Variants in CFAP47 observed in about 807,000 individuals in gnomAD.
CFAP47 encodes cilia and flagella associated protein 47, also known as cilia- and flagella-associated protein 47.
Under a neutral mutation model 148.1 loss-of-function variants are expected in CFAP47, and 29 were observed. That is an observed-to-expected ratio of 0.20 (90% CI 0.15 to 0.27). CFAP47 has a LOEUF of 0.27. Ranked by LOEUF, CFAP47 falls within the 10% of genes least tolerant of loss-of-function variation. CFAP47 has a pLI of 1.00. For missense variants in CFAP47, 1,872 were observed against 1,697.5 expected (o/e 1.10, Z -1.81); for synonymous variants, 664 against 577.3 (o/e 1.15, Z -2.15).
chrX:35,924,147 A>C (rs185510550), intron 1 of CFAP47, among the ~76,000 whole-genome samples: 4 of 96,925 alleles, frequency 4.1e-5, no homozygotes, highest in Admixed American at 2.2e-4. Context: ...GTGTACATGT[A>C]TGCGTACATA....
intron 13 of CFAP47, among the ~76,000 whole-genome samples, chrX:35,974,659 G>T (rs770063500): frequency 8.9e-6 from 1 of 111,772 alleles, no homozygotes; most frequent in African/African-American, 3.2e-5. Context: ...CTTACTATAT[G>T]CCAGTTTTAA....
chrX:36,335,888 A>G (rs1941600764), intron 57 of CFAP47, among the ~76,000 whole-genome samples: 1 of 111,759 alleles, frequency 8.9e-6, no homozygotes, highest in Non-Finnish European at 1.9e-5. Context: ...TTCATTTCTT[A>G]CAACTGTATG....
At chrX:36,171,651 A>G (rs1403546789) in intron 39 of CFAP47, among the ~76,000 whole-genome samples, 2 of 111,083 alleles carry the variant, frequency 1.8e-5, no homozygotes, top group African/African-American at 6.6e-5. Flanking sequence ...TGTTCCATTG[A>G]TCTATATCTC....
chrX:36,348,158 G>A lies in CFAP47; in HGVS notation c.8473G>A (p.Asp2825Asn). 9.7e-7 allele frequency: 1 copy of A among 1,035,933 alleles called. No individual in the cohort carries two copies. Among genetic ancestry groups the A allele is most frequent in the Non-Finnish European group, 1.3e-6 (1 of 796,092 alleles). 85.4% of individuals were successfully genotyped at this position (1,035,933 alleles called of 1,213,427 possible). A position where few individuals can be genotyped will look rare whatever the true frequency, so the allele number is the denominator to read the frequency against. ...TGCACTGCCTCCTAAAGGAAATATA[G>A]ATATCTCATTGTTATTTATACCTCA... ...GIALPPKGNI[D>N]ISLLFIPQIM... The change falls in exon 58 of 64, where the codon GAT becomes AAT. Residue 2825 changes from aspartate to asparagine, a missense_variant. Coordinates refer to ENST00000378653, the MANE Select transcript of CFAP47 (RefSeq NM_001304548.2).
At chrX:35,952,623 C>G (rs904902546) in intron 6 of CFAP47, among the ~76,000 whole-genome samples, 3 of 111,496 alleles carry the variant, frequency 2.7e-5, no homozygotes, top group African/African-American at 9.8e-5. Context: ...GTTTAATGTA[C>G]TTCTTGTTTG....
chrX:36,285,752 ACT>A (rs1314006154), intron 51 of CFAP47, 26 bp downstream of exon 51: 8 of 1,101,710 alleles, frequency 7.3e-6, no homozygotes, highest in Non-Finnish European at 9.7e-6. Context: ...ATGTTCATAG[ACT>A]CTGTCATTTT....
At chrX:36,043,444 G>GATA (rs1341614799) in intron 25 of CFAP47, among the ~76,000 whole-genome samples, 2 of 112,509 alleles carry the variant, frequency 1.8e-5, no homozygotes, top group Non-Finnish European at 3.8e-5. Context: ...TCACTTCCAA[G>GATA]ATACAATGAG....
intron 8 of CFAP47, among the ~76,000 whole-genome samples, chrX:35,957,512 T>C (rs1936264646): frequency 8.9e-6 from 1 of 112,151 alleles, no homozygotes; most frequent in African/African-American, 3.2e-5. Context: ...AGTATGACTC[T>C]CTCCCTCCAA....
intron 56 of CFAP47, among the ~76,000 whole-genome samples, chrX:36,316,024 C>G (rs141311477): frequency 9.0e-6 from 1 of 111,536 alleles, no homozygotes; most frequent in Admixed American, 9.6e-5. Context: ...AACTTGTTCA[C>G]GATCATGGAG....
intron 49 of CFAP47, among the ~76,000 whole-genome samples, chrX:36,258,851 C>T (rs1399571162): frequency 9.0e-6 from 1 of 111,588 alleles, no homozygotes; most frequent in African/African-American, 3.3e-5. Context: ...TGGGTGATAG[C>T]ACTGTGAAGC....
chrX:36,233,681 G>C (rs189319483), intron 46 of CFAP47, among the ~76,000 whole-genome samples: 6 of 111,305 alleles, frequency 5.4e-5, no homozygotes, highest in East Asian at 2.8e-4. Context: ...TTATTTTGCT[G>C]GTTAGTTGAT....
chrX:36,167,131 GT>G (rs1284834053), intron 39 of CFAP47, among the ~76,000 whole-genome samples: 2 of 111,961 alleles, frequency 1.8e-5, no homozygotes, highest in African/African-American at 6.5e-5. Flanking sequence ...CAGGCCTGTA[GT>G]TTAGCTTGCA....
chrX:36,106,801 G>A (rs752057542), intron 33 of CFAP47, among the ~76,000 whole-genome samples: 10 of 111,996 alleles, frequency 8.9e-5, no homozygotes, highest in Non-Finnish European at 1.9e-4. Flanking sequence ...AAAAAGATCA[G>A]TGGATACTAG....
chrX:35,980,786 G>A (rs1318626701), intron 15 of CFAP47, among the ~76,000 whole-genome samples: 6 of 110,278 alleles, frequency 5.4e-5, no homozygotes, highest in South Asian at 3.8e-4. Flanking sequence ...AAACTCTTCC[G>A]CAAACCTCTT....
intron 62 of CFAP47, among the ~76,000 whole-genome samples, chrX:36,375,965 T>C (rs1241248117): frequency 1.8e-5 from 2 of 111,996 alleles, no homozygotes; most frequent in Non-Finnish European, 3.8e-5. Flanking sequence ...TTGAGATCCT[T>C]AGTCTTGACT....
In CFAP47 at chrX:35,951,161, C is replaced by T; in HGVS notation, c.687C>T (p.Leu229=). Residue 229 remains leucine (L), a synonymous_variant, in exon 5 of 64, where the codon CTC becomes CTT. Coordinates refer to ENST00000378653, the MANE Select transcript of CFAP47 (RefSeq NM_001304548.2). ...IVILQGQPEM[L]LSIKAHVVEQ... is the part of the protein sequence containing the mutation. ...TTTTGCAAGGTCAACCTGAGATGCT[C>T]TTGAGTATCAAAGCTCATGTGGTTG... 5 of 1,210,889 alleles carry T rather than the reference C, an allele frequency of 4.1e-6. No individual in the cohort carries two copies. Among genetic ancestry groups the T allele is most frequent in the Non-Finnish European group, 5.6e-6 (5 of 894,673 alleles).
At chrX:36,377,476 A>T (rs782583077) in intron 62 of CFAP47, among the ~76,000 whole-genome samples, 4 of 111,143 alleles carry the variant, frequency 3.6e-5, no homozygotes, top group Non-Finnish European at 3.8e-5. Flanking sequence ...GGGTTATTTG[A>T]TTTTTTCTTG....
At position 36,384,807 on chromosome X, in the gene CFAP47, T is replaced by G; in HGVS notation, c.9365T>G (p.Met3122Arg). The G allele has an allele frequency of 8.6e-7, 1 of 1,161,206 alleles. No individual in the cohort carries two copies. Among genetic ancestry groups the G allele is most frequent in the South Asian group, 1.9e-5 (1 of 52,425 alleles). The stretch of plus-strand genomic sequence containing the variant: ...CCTCTTTCTATCCAGACAGAAGAAA[T>G]GTACTGGAAGTATGAGATCAATGGA... The part of the protein sequence containing the change: ...KATLVIQTEE[M>R]YWKYEINGLT... The change falls in exon 64 of 64, where the codon ATG becomes AGG. Residue 3122 changes from methionine to arginine, a missense_variant. Transcript: ENST00000378653.
chrX:36,265,047 G>A (rs5972035), intron 49 of CFAP47, among the ~76,000 whole-genome samples: 37,324 of 111,098 alleles, frequency 0.34, 6,729 homozygotes, highest in African/African-American at 0.7. Context: ...TGAGCATGGA[G>A]TGTTTTTTCA....
Sources: allele counts gnomAD v4.1 joint callset (sites outside exome capture counted in the v4.1 genomes callset), GRCh38; gene constraint gnomAD v4.1.1; transcripts MANE v1.5; gene names NCBI Gene and HGNC (gene_info 2026-07-23, HGNC 2026-07-21).